Variants in IGF1R observed in about 807,000 individuals in gnomAD.
IGF1R encodes insulin-like growth factor 1 receptor.
IGF1R carries 44 observed loss-of-function variants against 144.6 expected under a neutral mutation model. The observed-to-expected ratio is 0.30, with a 90% confidence interval of 0.24 to 0.39. The LOEUF is 0.39. Ranked by LOEUF, IGF1R falls within the 10% of genes least tolerant of loss-of-function variation. IGF1R has a pLI of 1.00. For synonymous variants in IGF1R, 795 were observed against 722.8 expected (o/e 1.10, Z -1.60); for missense variants, 1,355 against 1,833.7 (o/e 0.74, Z 4.77).
At chr15:98,926,462 CCA>C (rs780204879) in intron 13 of IGF1R, among the ~76,000 whole-genome samples, 4 of 152,092 alleles carry the variant, frequency 2.6e-5, no homozygotes, top group Non-Finnish European at 5.9e-5. Flanking sequence ...AGTGTTCTCA[CCA>C]CACACAAAAA....
At chr15:98,740,270 C>T (rs570037892) in intron 2 of IGF1R, among the ~76,000 whole-genome samples, 84 of 152,314 alleles carry the variant, frequency 5.5e-4, no homozygotes, top group African/African-American at 2.0e-3. Context: ...ATCCACTGTG[C>T]CACTCTTGGG....
chr15:98,768,314 T>TGTGCAAGAGGTATC (rs2055487482), intron 2 of IGF1R, among the ~76,000 whole-genome samples: 1 of 152,150 alleles, frequency 6.6e-6, no homozygotes, highest in African/African-American at 2.4e-5. Context: ...TATCAAATTT[T>TGTGCAAGAGGTATC]AAAGTAAAAG....
At chr15:98,745,888 C>A (rs1186490803) in intron 2 of IGF1R, among the ~76,000 whole-genome samples, 1 of 152,218 alleles carries the variant, frequency 6.6e-6, no homozygotes. Context: ...AGAAATTCTA[C>A]TTCTAGGAAT....
chr15:98,766,790 A>T (rs45595335), intron 2 of IGF1R, among the ~76,000 whole-genome samples: 1,628 of 152,284 alleles, frequency 0.011, 28 homozygotes, highest in African/African-American at 0.037. Context: ...TTTTGTCATG[A>T]TCATCTTGTA....
At chr15:98,769,323 C>T (rs1343682235) in intron 2 of IGF1R, among the ~76,000 whole-genome samples, 3 of 152,130 alleles carry the variant, frequency 2.0e-5, no homozygotes, top group African/African-American at 7.2e-5. Flanking sequence ...TCCAAACTCA[C>T]CTATTTTTGC....
chr15:98,908,276 C>G (rs2014828983), intron 5 of IGF1R, among the ~76,000 whole-genome samples: 3 of 152,188 alleles, frequency 2.0e-5, no homozygotes, highest in Admixed American at 2.0e-4. Context: ...TAATGGGAGA[C>G]TTTAGAGCAA....
In IGF1R at chr15:98,908,677, G is replaced by T. The variant is rs1038388325; in HGVS notation, c.1248-8G>T. 7 of 1,612,512 alleles carry T rather than the reference G, an allele frequency of 4.3e-6. No homozygotes were observed. The highest frequency in any genetic ancestry group is 5.9e-6 in the Non-Finnish European group (7 of 1,179,046). On this transcript the variant is annotated splice_region_variant and splice_polypyrimidine_tract_variant and intron_variant, in intron 5 of 20. Coordinates refer to ENST00000650285, the MANE Select transcript of IGF1R (RefSeq NM_000875.5). ...CAGGTGCGCTAACATCGATTTCTGT[G>T]CTTCTAGGAATTACTCCTTCTACGT...
At chr15:98,883,871 A>G (rs564173497) in intron 2 of IGF1R, among the ~76,000 whole-genome samples, 238 of 152,098 alleles carry the variant, frequency 1.6e-3, no homozygotes, top group African/African-American at 5.5e-3. Context: ...TTTTATTGTC[A>G]CTCTGGTTAG....
chr15:98,744,296 T>C (rs1467105238), intron 2 of IGF1R, among the ~76,000 whole-genome samples: 5 of 151,502 alleles, frequency 3.3e-5, no homozygotes, highest in Admixed American at 3.3e-4. Flanking sequence ...GAGGAGGGTT[T>C]TAAGGAGAAC....
At chr15:98,898,711 C>G (rs978780161) in intron 4 of IGF1R, among the ~76,000 whole-genome samples, 2 of 152,170 alleles carry the variant, frequency 1.3e-5, no homozygotes, top group Non-Finnish European at 2.9e-5. Context: ...GGACCACACC[C>G]AGTTCATTAT....
At chr15:98,879,114 T>G (rs1279230090) in intron 2 of IGF1R, among the ~76,000 whole-genome samples, 1 of 152,250 alleles carries the variant, frequency 6.6e-6, no homozygotes, top group Non-Finnish European at 1.5e-5. Flanking sequence ...CGGTCCAGCC[T>G]GGATTTCACA....
At chr15:98,811,230 G>A (rs1360521433) in intron 2 of IGF1R, among the ~76,000 whole-genome samples, 1 of 152,024 alleles carries the variant, frequency 6.6e-6, no homozygotes, top group Non-Finnish European at 1.5e-5. Flanking sequence ...GAACCCAGGA[G>A]TTGGAGGTTG....
intron 2 of IGF1R, among the ~76,000 whole-genome samples, chr15:98,872,275 T>A (rs547935167): frequency 6.6e-6 from 1 of 152,362 alleles, no homozygotes; most frequent in East Asian, 1.9e-4. Flanking sequence ...TTTTTTTCTT[T>A]CTTTGCCACA....
At chr15:98,771,553 T>C (rs12439557) in intron 2 of IGF1R, among the ~76,000 whole-genome samples, 112,836 of 152,046 alleles carry the variant, frequency 0.74, 43,711 homozygotes, top group Non-Finnish European at 0.84. Flanking sequence ...CAGTAAACGG[T>C]GATGTCGCAG....
intron 2 of IGF1R, among the ~76,000 whole-genome samples, chr15:98,837,633 C>T (rs1384241057): frequency 1.3e-5 from 2 of 152,114 alleles, no homozygotes; most frequent in African/African-American, 2.4e-5. Context: ...TGGCCAAGGT[C>T]CTGTTTCTCA....
chr15:98,661,955 C>CTTT (rs1567062333), intron 1 of IGF1R, among the ~76,000 whole-genome samples: 53 of 108,218 alleles, frequency 4.9e-4, no homozygotes, highest in African/African-American at 2.2e-3. Flanking sequence ...TGAATAGGGC[C>CTTT]CTTTTTTTTT....
Position 98,684,087 on chromosome 15 carries a change from C to T in IGF1R, c.95-23475C>T, listed in dbSNP as rs78161927. 4.8e-3 allele frequency among the ~76,000 whole-genome samples: 732 copies of T among 152,192 alleles called. 11 individuals carry two copies. Among genetic ancestry groups the T allele is most frequent in the African/African-American group, 0.017 (689 of 41,506 alleles). ...CAGCCAGTTGTTAAATCACTTTGGA[C>T]GTGTGACAGCCTCAACATGTCACAG... On this transcript the variant is annotated intron_variant, in intron 1 of 20. Transcript: ENST00000650285.
chr15:98,654,352 A>C lies in IGF1R; in HGVS notation c.94+4677A>C, dbSNP rs529649874. ...CCTTTTTCCAAAAATTAGGAGTCAC[A>C]GGTGTGTACATGAACGTTGCATAGC... On this transcript the variant is annotated intron_variant, in intron 1 of 20. Coordinates refer to ENST00000650285, the MANE Select transcript of IGF1R (RefSeq NM_000875.5). Among the ~76,000 whole-genome samples the C allele has an allele frequency of 3.9e-5, 6 of 152,318 alleles. No homozygotes were observed. The South Asian group carries it at 1.2e-3, about 32-fold the overall frequency.
rs2151682932 is a variant in IGF1R, at chr15:98,916,767, C to A, written c.2092C>A (p.Pro698Thr). The change falls in exon 10 of 21, where the codon CCT becomes ACT. Residue 698 changes from proline (P) to threonine (T), a missense_variant. Pro to Thr is a conservative substitution (Grantham distance 38). This residue lies in a region of IGF1R where 880 missense variants were observed against 1,202.7 expected (regional missense o/e 0.73). Transcript: ENST00000650285. ...KTEVCGGEKG[P>T]CCACPKTEAE... ...TGAGGTGTGTGGTGGGGAGAAAGGG[C>A]CTTGCTGCGCCTGCCCCAAAACTGA... 6.2e-7 allele frequency: 1 copy of A among 1,613,944 alleles called. No individual in the cohort carries two copies. The highest frequency in any genetic ancestry group is 8.5e-7 in the Non-Finnish European group (1 of 1,179,942).
Sources: gnomAD v4.1 joint callset for allele counts (sites outside exome capture counted in the v4.1 genomes callset) on GRCh38, gnomAD v4.1.1 for gene constraint, gnomAD v4.1.1 regional missense constraint, MANE v1.5 for transcripts, NCBI Gene and HGNC (gene_info 2026-07-23, HGNC 2026-07-21) for gene names.